PRPF6: variants seen among roughly 807,000 people sequenced by gnomAD.
PRPF6 encodes pre-mRNA processing factor 6, also known as pre-mRNA-processing factor 6.
A neutral mutation model predicts 118.3 loss-of-function variants in PRPF6; 42 were observed. The ratio of observed to expected loss-of-function variants is 0.35; its 90% CI spans 0.28 to 0.46. The LOEUF is 0.46. Ranked by LOEUF, PRPF6 falls within the 20% of genes least tolerant of loss-of-function variation. The probability of loss-of-function intolerance (pLI) is 1.00; values close to 1 mark genes in which losing one functional copy is unlikely to be tolerated. For synonymous variants in PRPF6, 481 were observed against 485.1 expected (o/e 0.99, Z 0.11); for missense variants, 662 against 1,255.7 (o/e 0.53, Z 7.15).
Position 64,029,253 on chromosome 20 carries a change from G to C in PRPF6, c.2432-124G>C. 1 of 827,752 alleles carries C rather than the reference G, an allele frequency of 1.2e-6. No individual in the cohort carries two copies. The highest frequency in any genetic ancestry group is 2.1e-6 in the Non-Finnish European group (1 of 483,418). The allele number at this position is 827,752 out of a possible 1,614,324, so 51.3% of individuals were successfully genotyped here. On this transcript the variant is annotated intron_variant, in intron 18 of 20. Coordinates refer to ENST00000266079, the MANE Select transcript of PRPF6 (RefSeq NM_012469.4). This position sits in a 1 kb window ranked among gnomAD's most constrained non-coding sequence, Gnocchi z 4.8. ...GTGGTTCTCCTTGCACAAGTTCTGC[G>C]AGCCGTGTGTGGGAGGCCCCTGTCG...
At position 64,026,228 on chromosome 20, in the gene PRPF6, C is replaced by T. The variant is rs111288916; in HGVS notation, c.2028+170C>T. Among the ~76,000 whole-genome samples, 1,174 of 151,658 alleles carry T rather than the reference C, an allele frequency of 7.7e-3. 12 individuals carry two copies. The highest frequency in any genetic ancestry group is 0.026 in the African/African-American group (1,086 of 41,338). On this transcript the variant is annotated intron_variant, in intron 15 of 20. Coordinates refer to ENST00000266079, the MANE Select transcript of PRPF6 (RefSeq NM_012469.4). This position sits in a 1 kb window ranked among gnomAD's most constrained non-coding sequence, Gnocchi z 4.4. ...CATTCATGTGGCCGGGCGTGGTGGC[C>T]GGGCGCGGTGGCTCACGCCTGTAAT...
intron 4 of PRPF6, 53 bp downstream of exon 4, chr20:63,993,538 C>T (rs1444463209): frequency 7.0e-7 from 1 of 1,430,166 alleles, no homozygotes; most frequent in African/African-American, 1.4e-5. Flanking sequence ...CTCACCCTAA[C>T]CCGCAGAGAC....
chr20:64,017,003 C>T (rs1381111865), intron 12 of PRPF6, among the ~76,000 whole-genome samples, 158 bp downstream of exon 12: 4 of 151,606 alleles, frequency 2.6e-5, no homozygotes, highest in Non-Finnish European at 5.9e-5. Context: ...AGTGCAGTGG[C>T]GCTATCTCAG....
chr20:64,017,954 G>C (rs1267933953), intron 12 of PRPF6, among the ~76,000 whole-genome samples: 1 of 152,218 alleles, frequency 6.6e-6, no homozygotes, highest in Non-Finnish European at 1.5e-5. Context: ...TGTAATTCCA[G>C]CACTTTGGGA....
intron 11 of PRPF6, among the ~76,000 whole-genome samples, chr20:64,015,461 G>A (rs56128481): frequency 6.6e-6 from 1 of 152,360 alleles, no homozygotes; most frequent in South Asian, 2.1e-4. Context: ...GGGTCTGGGA[G>A]GCATGTGGCT....
intron 3 of PRPF6, among the ~76,000 whole-genome samples, chr20:63,987,015 C>G (rs1226995606): frequency 6.6e-6 from 1 of 150,422 alleles, no homozygotes; most frequent in Admixed American, 6.6e-5. Flanking sequence ...CAAAAAAATA[C>G]AAAAATTAGC....
intron 12 of PRPF6, among the ~76,000 whole-genome samples, chr20:64,019,819 C>CT (rs1331810968): frequency 6.6e-6 from 1 of 152,228 alleles, no homozygotes; most frequent in Non-Finnish European, 1.5e-5. Flanking sequence ...AGCCATGTGA[C>CT]TTGGGAGGCA....
At chr20:63,987,721 A>G (rs572418913) in intron 3 of PRPF6, among the ~76,000 whole-genome samples, 1 of 152,340 alleles carries the variant, frequency 6.6e-6, no homozygotes, top group African/African-American at 2.4e-5. Flanking sequence ...GACTCTACCA[A>G]AACACTATTG....
At chr20:63,990,929 C>G (rs2059115925) in intron 3 of PRPF6, among the ~76,000 whole-genome samples, 1 of 151,804 alleles carries the variant, frequency 6.6e-6, no homozygotes, top group African/African-American at 2.4e-5. Flanking sequence ...GCTGGGATTA[C>G]AGGCTTGAGC....
intron 6 of PRPF6, among the ~76,000 whole-genome samples, chr20:63,998,316 A>G (rs893959708): frequency 3.3e-4 from 50 of 149,548 alleles, no homozygotes; most frequent in African/African-American, 1.2e-3. Flanking sequence ...GCTGGTCTCG[A>G]ACTCCTGATC....
chr20:64,007,432 C>T (rs1451087834), intron 9 of PRPF6, among the ~76,000 whole-genome samples: 2 of 143,578 alleles, frequency 1.4e-5, no homozygotes, highest in African/African-American at 5.2e-5. Flanking sequence ...GCTTCCCTCC[C>T]CGCCTCCCCT....
intron 9 of PRPF6, among the ~76,000 whole-genome samples, chr20:64,007,623 C>T (rs570968575): frequency 9.9e-5 from 15 of 151,800 alleles, no homozygotes; most frequent in Non-Finnish European, 1.6e-4. Context: ...CATGCCACCA[C>T]GCCCAGCTAA....
At chr20:63,999,258 G>A in intron 7 of PRPF6, 119 bp downstream of exon 7, 1 of 868,938 alleles carries the variant, frequency 1.2e-6, no homozygotes, top group Non-Finnish European at 1.9e-6. Flanking sequence ...GAAATGTAAA[G>A]TGGAGTAGTT....
In PRPF6 at chr20:64,001,607, G is replaced by A. The variant is rs537167654; in HGVS notation, c.1186+368G>A. ...GATGGTCTGTGTGAAGAGCTGAGCC[G>A]GCACCTGGCACGTGCAGACCCGTTG... On this transcript the variant is annotated intron_variant, in intron 9 of 20. Transcript: ENST00000266079. Among the ~76,000 whole-genome samples, 11 of 152,326 alleles carry A rather than the reference G, an allele frequency of 7.2e-5. No homozygotes were observed. In the East Asian group the frequency reaches 1.9e-3, roughly 27 times the overall value.
chr20:63,999,110 C>T lies in PRPF6; in HGVS notation c.837C>T (p.Ser279=). 4 of 1,613,998 alleles carry T rather than the reference C, an allele frequency of 2.5e-6. No homozygotes were observed. Among genetic ancestry groups the T allele is most frequent in the Non-Finnish European group, 1.7e-6 (2 of 1,179,948 alleles). ...AAGGCTACCTGACGGATTTAAATTCCATGATCCCGACACACGGAGGAGACA... is the reference window on the plus strand; with the variant it reads ...AAGGCTACCTGACGGATTTAAATTCTATGATCCCGACACACGGAGGAGACA... ...DPKGYLTDLN[S]MIPTHGGDIN... Residue 279 remains serine (S), a synonymous_variant, in exon 7 of 21, where the codon TCC becomes TCT. Transcript: ENST00000266079.
chr20:63,990,347 G>C (rs1254668670), intron 3 of PRPF6, among the ~76,000 whole-genome samples: 2 of 152,104 alleles, frequency 1.3e-5, no homozygotes, highest in African/African-American at 2.4e-5. Context: ...TGGCCTCCCA[G>C]AGTGCTGGGA....
intron 11 of PRPF6, 151 bp from the exon 12 acceptor site, chr20:64,016,572 T>C (rs1383569878): frequency 1.0e-6 from 1 of 955,996 alleles, no homozygotes; most frequent in African/African-American, 1.6e-5. Flanking sequence ...TGGCGTGCAG[T>C]AGACTCACTT....
intron 4 of PRPF6, among the ~76,000 whole-genome samples, chr20:63,994,180 G>A (rs569850123): frequency 5.6e-5 from 8 of 143,310 alleles, no homozygotes; most frequent in East Asian, 4.1e-4. Flanking sequence ...TTTTTGAGAC[G>A]GAGTTTGGCT....
intron 12 of PRPF6, among the ~76,000 whole-genome samples, chr20:64,017,371 G>A (rs1343567159): frequency 6.7e-6 from 1 of 149,434 alleles, no homozygotes; most frequent in Non-Finnish European, 1.5e-5. Context: ...CACCGCGCCC[G>A]GCCTCCCAGA....
Sources: gnomAD v4.1 joint callset for allele counts (sites outside exome capture counted in the v4.1 genomes callset) on GRCh38, gnomAD v4.1.1 for gene constraint, Gnocchi (gnomAD v3.1) non-coding constraint, MANE v1.5 for transcripts, NCBI Gene and HGNC (gene_info 2026-07-23, HGNC 2026-07-21) for gene names.